PLD1: variants seen among roughly 807,000 people sequenced by gnomAD.
PLD1 encodes the protein phospholipase D1.
PLD1 carries 112 observed loss-of-function variants against 137.1 expected under a neutral mutation model. The ratio of observed to expected loss-of-function variants is 0.82; its 90% CI spans 0.70 to 0.96. PLD1 has a LOEUF of 0.96. Ranked by LOEUF, PLD1 falls within the 40% of genes least tolerant of loss-of-function variation. The pLI is 0.00. For synonymous variants in PLD1, 431 were observed against 454.7 expected (o/e 0.95, Z 0.66); for missense variants, 1,321 against 1,342.0 (o/e 0.98, Z 0.24).
intron 16 of PLD1, among the ~76,000 whole-genome samples, chr3:171,679,932 G>A (rs1362984213): frequency 1.3e-5 from 2 of 152,176 alleles, no homozygotes; most frequent in African/African-American, 4.8e-5. Flanking sequence ...GCTGCTATCT[G>A]GCTCCCAAAT....
In PLD1 at chr3:171,603,122, C is replaced by T; in HGVS notation, c.3181G>A (p.Val1061Ile). Residue 1061 changes from valine (V) to isoleucine (I), a missense_variant, in exon 27 of 27, where the codon GTT becomes ATT. Coordinates refer to ENST00000351298, the MANE Select transcript of PLD1 (RefSeq NM_002662.5). ...FLSEESLLPS[V>I]GTKEAIVPME... Reference sequence around the variant, plus strand: ...GGCACTATGGCCTCTTTGGTCCCAACAGAAGGCAGTAGGCTTTCTTCAGAC... The same window carrying T: ...GGCACTATGGCCTCTTTGGTCCCAATAGAAGGCAGTAGGCTTTCTTCAGAC... 6.2e-7 allele frequency: 1 copy of T among 1,614,038 alleles called. No individual in the cohort carries two copies. Among genetic ancestry groups the T allele is most frequent in the Middle Eastern group, 1.7e-4 (1 of 6,060 alleles).
Position 171,714,021 on chromosome 3 carries a change from A to G in PLD1, c.783T>C (p.Phe261=), listed in dbSNP as rs764882479. ...SKRWLIVKDS[F]LLYMKPDSGA... is the part of the protein sequence containing the mutation. ...CGCTGTCTGGTTTCATATACAATAA[A>G]AAGGAATCTTTCACTATTAACCATC... The change falls in exon 9 of 27, where the codon TTT becomes TTC. Residue 261 remains phenylalanine, a synonymous_variant. Coordinates refer to ENST00000351298, the MANE Select transcript of PLD1 (RefSeq NM_002662.5). 3.7e-6 allele frequency: 6 copies of G among 1,607,230 alleles called. No homozygotes were observed. Among genetic ancestry groups the G allele is most frequent in the Non-Finnish European group, 3.4e-6 (4 of 1,174,126 alleles).
intron 23 of PLD1, among the ~76,000 whole-genome samples, chr3:171,623,443 T>A (rs1238243328): frequency 1.3e-5 from 2 of 150,790 alleles, no homozygotes; most frequent in East Asian, 2.0e-4. Flanking sequence ...GCCTCCCAAG[T>A]AGCTGGGACT....
At position 171,603,126 on chromosome 3, in the gene PLD1, A is replaced by G; in HGVS notation, c.3177T>C (p.Pro1059=). 6.2e-7 allele frequency: 1 copy of G among 1,614,088 alleles called. No individual in the cohort carries two copies. The highest frequency in any genetic ancestry group is 8.5e-7 in the Non-Finnish European group (1 of 1,179,994). The change falls in exon 27 of 27, where the codon CCT becomes CCC. Residue 1059 remains proline (P), a synonymous_variant. Transcript: ENST00000351298. The part of the protein sequence containing the change: ...FYFLSEESLL[P]SVGTKEAIVP... ...CTATGGCCTCTTTGGTCCCAACAGA[A>G]GGCAGTAGGCTTTCTTCAGACAAGA...
At chr3:171,683,471 A>G (rs1188754690) in intron 16 of PLD1, among the ~76,000 whole-genome samples, 2 of 152,076 alleles carry the variant, frequency 1.3e-5, no homozygotes, top group African/African-American at 4.8e-5. Flanking sequence ...TATTCCTGGA[A>G]CACACCCAAC....
intron 1 of PLD1, among the ~76,000 whole-genome samples, chr3:171,745,752 C>T (rs1441888477): frequency 6.6e-6 from 1 of 152,218 alleles, no homozygotes; most frequent in East Asian, 1.9e-4. Context: ...CTCACTCGCT[C>T]TTGGCACCTC....
chr3:171,621,617 A>C (rs193061002), intron 23 of PLD1, among the ~76,000 whole-genome samples: 21 of 152,298 alleles, frequency 1.4e-4, no homozygotes, highest in African/African-American at 5.1e-4. Flanking sequence ...ATTTAGAGAT[A>C]GCTCTCCCCT....
intron 1 of PLD1, among the ~76,000 whole-genome samples, chr3:171,760,140 T>C (rs1266852669): frequency 9.8e-5 from 13 of 133,170 alleles, no homozygotes. Flanking sequence ...CATTTATTTT[T>C]TAAAATTACA....
chr3:171,687,626 A>G, intron 14 of PLD1, 42 bp from the exon 15 acceptor site: 1 of 1,278,814 alleles, frequency 7.8e-7, no homozygotes, highest in Non-Finnish European at 1.1e-6. Context: ...TGCATAAGAC[A>G]TGCTGCAGTG....
chr3:171,732,274 C>G (rs1214687513), intron 6 of PLD1, among the ~76,000 whole-genome samples: 1 of 152,148 alleles, frequency 6.6e-6, no homozygotes. Flanking sequence ...ACCCCTGCCT[C>G]CCATCATCCT....
At position 171,612,395 on chromosome 3, in the gene PLD1, C is replaced by T. The variant is rs770189957; in HGVS notation, c.2766G>A (p.Lys922=). The change falls in exon 25 of 27, where the codon AAG becomes AAA. Residue 922 remains lysine (K), a synonymous_variant. Transcript: ENST00000351298. This position sits in a 1 kb window ranked among gnomAD's most constrained non-coding sequence, Gnocchi z 4.1. Reference sequence around the variant, plus strand: ...CAATGACAGCCATTTCACTGTCACGCTTTCCCAGCATGCTGCGGTCATTTA... The same window carrying T: ...CAATGACAGCCATTTCACTGTCACGTTTTCCCAGCATGCTGCGGTCATTTA... The part of the protein sequence containing the change: ...ANINDRSMLG[K]RDSEMAVIVQ... 7 of 1,613,972 alleles carry T rather than the reference C, an allele frequency of 4.3e-6. No individual in the cohort carries two copies. Among genetic ancestry groups the T allele is most frequent in the Admixed American group, 3.3e-5 (2 of 60,000 alleles).
intron 9 of PLD1, among the ~76,000 whole-genome samples, chr3:171,710,489 C>G (rs148635856): frequency 6.6e-6 from 1 of 152,148 alleles, no homozygotes; most frequent in Non-Finnish European, 1.5e-5. Flanking sequence ...GCCGAGATCC[C>G]GCGCATGTGC....
rs1227971431 is a variant in PLD1, at chr3:171,600,742, T to A, written c.*2336A>T. 2 of 151,650 alleles carry A rather than the reference T, an allele frequency of 1.3e-5. No individual in the cohort carries two copies. The highest frequency in any genetic ancestry group is 2.9e-5 in the Non-Finnish European group (2 of 67,980). The allele number at this position is 151,650 out of a possible 1,614,324, so 9.4% of individuals were successfully genotyped here. A position where few individuals can be genotyped will look rare whatever the true frequency, so the allele number is the denominator to read the frequency against. ...GTAAATCTTATCACCCCTTTGCAGA[T>A]GAGCATCTTGTCTTTGGGAAGATGC... On this transcript the variant is annotated 3_prime_UTR_variant, in exon 27 of 27. Transcript: ENST00000351298.
At chr3:171,750,629 A>C (rs1442827544) in intron 1 of PLD1, among the ~76,000 whole-genome samples, 5 of 152,094 alleles carry the variant, frequency 3.3e-5, no homozygotes, top group Non-Finnish European at 7.4e-5. Context: ...GTAAAGAAAA[A>C]AGACAATTTT....
intron 1 of PLD1, among the ~76,000 whole-genome samples, chr3:171,759,900 G>C (rs967862448): frequency 3.3e-5 from 5 of 152,154 alleles, no homozygotes; most frequent in African/African-American, 1.2e-4. Flanking sequence ...CAGTCTTACT[G>C]TCCTTTCGGT....
At chr3:171,690,866 CCT>C (rs1715086282) in intron 13 of PLD1, among the ~76,000 whole-genome samples, 1 of 152,092 alleles carries the variant, frequency 6.6e-6, no homozygotes, top group Admixed American at 6.6e-5. Context: ...ACGTTCAAGT[CCT>C]CTGTTTTCTT....
chr3:171,705,738 A>T (rs1716628985), intron 11 of PLD1, among the ~76,000 whole-genome samples: 1 of 152,186 alleles, frequency 6.6e-6, no homozygotes, highest in African/African-American at 2.4e-5. Flanking sequence ...AAACTCTCAT[A>T]CATTGCTGGT....
At chr3:171,660,875 C>T (rs1217919448) in intron 20 of PLD1, among the ~76,000 whole-genome samples, 1 of 152,044 alleles carries the variant, frequency 6.6e-6, no homozygotes, top group East Asian at 1.9e-4. Context: ...CCTCAAAGTG[C>T]TGGGATTACA....
chr3:171,718,889 G>T (rs932958560), intron 8 of PLD1, among the ~76,000 whole-genome samples: 2 of 152,146 alleles, frequency 1.3e-5, no homozygotes, highest in African/African-American at 4.8e-5. Flanking sequence ...CCCAATACAT[G>T]CGAACTATTA....
Sources: gnomAD v4.1 joint callset for allele counts (sites outside exome capture counted in the v4.1 genomes callset) on GRCh38, gnomAD v4.1.1 for gene constraint, Gnocchi (gnomAD v3.1) non-coding constraint, MANE v1.5 for transcripts, NCBI Gene and HGNC (gene_info 2026-07-23, HGNC 2026-07-21) for gene names.